Variants in CEP44 observed in about 807,000 individuals in gnomAD.
CEP44 encodes centrosomal protein of 44 kDa.
Under a neutral mutation model 46.7 loss-of-function variants are expected in CEP44, and 45 were observed. The observed-to-expected ratio is 0.96, with a 90% CI of 0.76 to 1.24. CEP44 has a LOEUF of 1.24. Among genes scored for constraint, CEP44 ranks in the 50% most tolerant of loss-of-function variants. The probability of loss-of-function intolerance (pLI) is 0.00; values close to 1 mark genes in which losing one functional copy is unlikely to be tolerated. For missense variants in CEP44, 475 were observed against 459.7 expected (o/e 1.03, Z -0.30); for synonymous variants, 142 against 146.0 (o/e 0.97, Z 0.20).
chr4:174,315,587 TA>T (rs1741579680), intron 9 of CEP44, among the ~76,000 whole-genome samples: 1 of 152,114 alleles, frequency 6.6e-6, no homozygotes, highest in African/African-American at 2.4e-5. Flanking sequence ...TGTTGCTGAA[TA>T]AAAGCATCAT....
At position 174,314,835 on chromosome 4, in the gene CEP44, T is replaced by C. The variant is rs934095657; in HGVS notation, c.962-1331T>C. On this transcript the variant is annotated intron_variant, in intron 9 of 11. Coordinates refer to ENST00000503780, the MANE Select transcript of CEP44 (RefSeq NM_001040157.3). This position sits in a 1 kb window ranked among gnomAD's most constrained non-coding sequence, Gnocchi z 4.1. ...GTCTTCAGAATTACACCCTGTAATC[T>C]TGACCTCCAGGCTTAGCTAATTGGA... is the stretch of plus-strand genomic sequence containing the variant. Among the ~76,000 whole-genome samples the C allele has an allele frequency of 5.3e-5, 8 of 152,236 alleles. No individual in the cohort carries two copies. The highest frequency in any genetic ancestry group is 5.2e-4 in the Admixed American group (8 of 15,288).
chr4:174,293,688 T>G (rs1333697531), intron 1 of CEP44, among the ~76,000 whole-genome samples: 2 of 151,906 alleles, frequency 1.3e-5, no homozygotes, highest in Non-Finnish European at 2.9e-5. Flanking sequence ...TTTTAGGGGG[T>G]TTTTTTTGTT....
intron 1 of CEP44, chr4:174,285,662 T>C (rs547371917): frequency 6.6e-6 from 1 of 152,324 alleles, no homozygotes; most frequent in South Asian, 2.1e-4. Context: ...AAAGGAAGTC[T>C]GGAAAGACAT....
At chr4:174,294,729 C>A (rs1471605405) in intron 1 of CEP44, among the ~76,000 whole-genome samples, 2 of 133,516 alleles carry the variant, frequency 1.5e-5, no homozygotes, top group Non-Finnish European at 3.3e-5. Flanking sequence ...GGGCTGACCA[C>A]CCCCCACCTC....
rs373458453 is a variant in CEP44 at position 174,304,397 on chromosome 4, T to G, written c.507+28T>G. Reference sequence around the variant, plus strand: ...ATGCAACCACAAAGAAAATATCATATTGTTTAAGAGTTATCTAATTAATCC... The same window carrying G: ...ATGCAACCACAAAGAAAATATCATAGTGTTTAAGAGTTATCTAATTAATCC... On this transcript the variant is annotated intron_variant, in intron 6 of 11. Coordinates refer to ENST00000503780, the MANE Select transcript of CEP44 (RefSeq NM_001040157.3). 7 of 1,600,460 alleles carry G rather than the reference T, an allele frequency of 4.4e-6. No homozygotes were observed. The East Asian group carries it at 1.6e-4, about 36-fold the overall frequency.
At position 174,288,246 on chromosome 4, in the gene CEP44, G is replaced by C. The variant is rs1737780027; in HGVS notation, c.-148+4303G>C. Among the ~76,000 whole-genome samples, 1 of 152,128 alleles carries C rather than the reference G, an allele frequency of 6.6e-6. No homozygotes were observed. Among genetic ancestry groups the C allele is most frequent in the South Asian group, 2.1e-4 (1 of 4,826 alleles). On this transcript the variant is annotated intron_variant, in intron 1 of 11. Transcript: ENST00000503780. This position sits in a 1 kb window ranked among gnomAD's most constrained non-coding sequence, Gnocchi z 4.6. Reference sequence around the variant, plus strand: ...TACAAGAAATCAATGCCATCACCTTGAAAAGTTTCCTTCTACTCATCTTTT... The same window carrying C: ...TACAAGAAATCAATGCCATCACCTTCAAAAGTTTCCTTCTACTCATCTTTT...
At chr4:174,323,203 G>A (rs183327324), downstream of CEP44, among the ~76,000 whole-genome samples, 1 of 151,780 alleles carries the variant, frequency 6.6e-6, no homozygotes, top group African/African-American at 2.4e-5. Context: ...ATCCCTAAAG[G>A]CCAAAAGAAG....
downstream of CEP44, among the ~76,000 whole-genome samples, chr4:174,323,412 T>C (rs1429527983): frequency 6.6e-6 from 1 of 152,060 alleles, no homozygotes; most frequent in Non-Finnish European, 1.5e-5. Flanking sequence ...ATTTAAGATA[T>C]AGAACATGCC....
chr4:174,303,846 G>T lies in CEP44; in HGVS notation c.381G>T (p.Gln127His). 1 of 1,535,196 alleles carries T rather than the reference G, an allele frequency of 6.5e-7. No homozygotes were observed. Among genetic ancestry groups the T allele is most frequent in the Non-Finnish European group, 8.9e-7 (1 of 1,126,652 alleles). The change falls in exon 5 of 12, where the codon CAG (glutamine) becomes CAT (histidine). Residue 127 changes from glutamine to histidine, a missense_variant. Gln to His is a conservative substitution (Grantham distance 24, BLOSUM62 0). Transcript: ENST00000503780. ...AGCACAAGGAATTAAGCAGTCTTCAGAAGGTAATTTTATGAATAGATATTA... is the reference window on the plus strand; with the variant it reads ...AGCACAAGGAATTAAGCAGTCTTCATAAGGTAATTTTATGAATAGATATTA... ...MKKHKELSSL[Q>H]KIPSQQRKKI... is the part of the protein sequence containing the mutation.
downstream of CEP44, among the ~76,000 whole-genome samples, chr4:174,324,508 G>A (rs766797120): frequency 1.7e-4 from 26 of 152,108 alleles, no homozygotes; most frequent in Non-Finnish European, 3.1e-4. Flanking sequence ...TTTCCCACTA[G>A]CAATGTATGA....
rs1742054062 is a variant in CEP44, at chr4:174,319,124, A to G, written c.*1741A>G. On this transcript the variant is annotated 3_prime_UTR_variant, in exon 12 of 12. Coordinates refer to ENST00000503780, the MANE Select transcript of CEP44 (RefSeq NM_001040157.3). Reference sequence around the variant, plus strand: ...TGCTTGGCCACATTTTTAGTATTCTAATAAACAGTTGGTCATCAGAACTTT... The same window carrying G: ...TGCTTGGCCACATTTTTAGTATTCTGATAAACAGTTGGTCATCAGAACTTT... 3.0e-6 allele frequency: 3 copies of G among 984,630 alleles called. No individual in the cohort carries two copies. Among genetic ancestry groups the G allele is most frequent in the Non-Finnish European group, 1.2e-6 (1 of 829,310 alleles). The allele number at this position is 984,630 out of a possible 1,614,324, so 61.0% of individuals were successfully genotyped here.
rs1248008888 is a variant in CEP44, at chr4:174,310,092, G to C, written c.885+36G>C. The C allele has an allele frequency of 2.2e-5, 35 of 1,563,006 alleles. No individual in the cohort carries two copies. Among genetic ancestry groups the C allele is most frequent in the Non-Finnish European group, 3.0e-5 (35 of 1,156,804 alleles). On this transcript the variant is annotated intron_variant, in intron 8 of 11. Coordinates refer to ENST00000503780, the MANE Select transcript of CEP44 (RefSeq NM_001040157.3). This position sits in a 1 kb window ranked among gnomAD's most constrained non-coding sequence, Gnocchi z 4.2. ...CCTTTAACATTTATAAAATATCTCA[G>C]ATATAACAAAGTTTTTTTTTGATTG...
chr4:174,330,031 A>AT (rs1245683238), intron 8 of CEP44, among the ~76,000 whole-genome samples: 1 of 152,164 alleles, frequency 6.6e-6, no homozygotes, highest in Non-Finnish European at 1.5e-5. Context: ...ACACATGTTC[A>AT]TTTTTTAATT....
intron 6 of CEP44, among the ~76,000 whole-genome samples, chr4:174,305,913 G>T (rs903286957): frequency 1.3e-5 from 2 of 152,088 alleles, no homozygotes; most frequent in African/African-American, 2.4e-5. Flanking sequence ...CAAAACATTA[G>T]ACTTATTTTT....
At chr4:174,323,314 A>G (rs1345196731), downstream of CEP44, among the ~76,000 whole-genome samples, 3 of 152,064 alleles carry the variant, frequency 2.0e-5, no homozygotes, top group Non-Finnish European at 4.4e-5. Context: ...TTCCCCCCTC[A>G]TGTTTCTGCA....
In CEP44 at chr4:174,310,149, A is replaced by G; in HGVS notation, c.885+93A>G. The G allele has an allele frequency of 9.0e-7, 1 of 1,114,542 alleles. No homozygotes were observed. The allele number at this position is 1,114,542 out of a possible 1,614,324, so 69.0% of individuals were successfully genotyped here. On this transcript the variant is annotated intron_variant, in intron 8 of 11. Transcript: ENST00000503780. The surrounding 1 kb of genome is among the most constrained non-coding windows in gnomAD (Gnocchi z 4.2). The stretch of plus-strand genomic sequence containing the variant: ...GTGTATTTTTTTGGAAATGCTAAAT[A>G]TGAGAATATTTGAATAATGAGAAAA...
At position 174,288,335 on chromosome 4, in the gene CEP44, A is replaced by C. The variant is rs1245011981; in HGVS notation, c.-148+4392A>C. On this transcript the variant is annotated intron_variant, in intron 1 of 11. Transcript: ENST00000503780. The surrounding 1 kb of genome is among the most constrained non-coding windows in gnomAD (Gnocchi z 4.6). ...AACTTCTTAGCAAAATTTTAAGAAT[A>C]CAATATTGCTAATCACAGACACTGG... 6.6e-6 allele frequency among the ~76,000 whole-genome samples: 1 copy of C among 152,174 alleles called. No homozygotes were observed. The highest frequency in any genetic ancestry group is 1.5e-5 in the Non-Finnish European group (1 of 68,016).
In CEP44 at chr4:174,331,423, C is replaced by T; in HGVS notation, c.1087-59C>T. On this transcript the variant is annotated intron_variant, in intron 8 of 8. Transcript: ENST00000426172. This position sits in a 1 kb window ranked among gnomAD's most constrained non-coding sequence, Gnocchi z 4.5. ...TGACACTGCTCTAATTCCTATCTACCCATTCTGCCAATGCATTTAGATCAT... is the reference window on the plus strand; with the variant it reads ...TGACACTGCTCTAATTCCTATCTACTCATTCTGCCAATGCATTTAGATCAT... The T allele has an allele frequency of 6.6e-7, 1 of 1,526,368 alleles. No individual in the cohort carries two copies. The allele number at this position is 1,526,368 out of a possible 1,614,324, so 94.6% of individuals were successfully genotyped here.
chr4:174,304,502 G>A, intron 6 of CEP44, 133 bp downstream of exon 6: 1 of 1,205,450 alleles, frequency 8.3e-7, no homozygotes, highest in Non-Finnish European at 1.1e-6. Context: ...TTTTAACAGT[G>A]CATGCCATAT....
Sources: gnomAD v4.1 joint callset for allele counts (sites outside exome capture counted in the v4.1 genomes callset) on GRCh38, gnomAD v4.1.1 for gene constraint, Gnocchi (gnomAD v3.1) non-coding constraint, MANE v1.5 for transcripts, NCBI Gene and HGNC (gene_info 2026-07-23, HGNC 2026-07-21) for gene names.